The following OPCML variants were observed in gnomAD, a reference collection of about 807,000 sequenced individuals.
OPCML encodes the protein opioid-binding protein/cell adhesion molecule.
OPCML carries 13 observed loss-of-function variants against 37.8 expected under a neutral mutation model. The ratio of observed to expected loss-of-function variants is 0.34; its 90% CI spans 0.22 to 0.55. The LOEUF (loss-of-function observed/expected upper bound fraction) is 0.55. Ranked by LOEUF, OPCML falls within the 20% of genes least tolerant of loss-of-function variation. The pLI, the probability that OPCML is intolerant of heterozygous loss-of-function variation, is 0.91. For missense variants in OPCML, 341 were observed against 435.6 expected (o/e 0.78, Z 1.93); for synonymous variants, 176 against 168.8 (o/e 1.04, Z -0.33).
intron 1 of OPCML, among the ~76,000 whole-genome samples, chr11:133,347,001 G>A (rs973606324): frequency 1.3e-5 from 2 of 152,152 alleles, no homozygotes; most frequent in Admixed American, 1.3e-4. Context: ...ATCTTAAAAG[G>A]GTAATGAATG....
intron 2 of OPCML, among the ~76,000 whole-genome samples, chr11:132,842,265 C>T (rs140907401): frequency 2.6e-5 from 4 of 152,296 alleles, no homozygotes; most frequent in Non-Finnish European, 4.4e-5. Context: ...TCACGCCGCA[C>T]GTTCCACTCA....
chr11:133,532,398 G>T lies in OPCML; in HGVS notation c.-74C>A. 6.5e-7 allele frequency: 1 copy of T among 1,550,132 alleles called. No individual in the cohort carries two copies. Among genetic ancestry groups the T allele is most frequent in the East Asian group, 2.4e-5 (1 of 42,306 alleles). On this transcript the variant is annotated 5_prime_UTR_variant, in exon 1 of 8. Coordinates refer to ENST00000524381, the MANE Select transcript of OPCML (RefSeq NM_001012393.5). ...GCTGCTACCGCTGCTGCCTTCCTCTGTGCTGAATTCTGAGCAGGTTTAAAT... is the reference window on the plus strand; with the variant it reads ...GCTGCTACCGCTGCTGCCTTCCTCTTTGCTGAATTCTGAGCAGGTTTAAAT...
At chr11:132,836,731 G>A (rs548521541) in intron 2 of OPCML, among the ~76,000 whole-genome samples, 13 of 152,036 alleles carry the variant, frequency 8.6e-5, no homozygotes, top group East Asian at 1.9e-4. Context: ...GGATATGTAC[G>A]GCATGACTGA....
At chr11:133,521,219 G>C (rs1461904931) in intron 1 of OPCML, among the ~76,000 whole-genome samples, 2 of 152,098 alleles carry the variant, frequency 1.3e-5, no homozygotes, top group Non-Finnish European at 2.9e-5. Context: ...CAGTTCTTTT[G>C]GATTTTACAG....
In OPCML at chr11:133,373,065, G is replaced by C. The variant is rs571360937; in HGVS notation, c.61+159199C>G. Among the ~76,000 whole-genome samples, 8 of 151,996 alleles carry C rather than the reference G, an allele frequency of 5.3e-5. No homozygotes were observed. In the South Asian group the frequency reaches 1.2e-3, roughly 24 times the overall value. Reference sequence around the variant, plus strand: ...AAGTTTCAAAAAAAGAAAAGACAAAGAAAAAAATTAATACAGTGCAATATA... The same window carrying C: ...AAGTTTCAAAAAAAGAAAAGACAAACAAAAAAATTAATACAGTGCAATATA... On this transcript the variant is annotated intron_variant, in intron 1 of 7. Transcript: ENST00000524381.
intron 1 of OPCML, among the ~76,000 whole-genome samples, chr11:133,123,954 T>C (rs1949459288): frequency 6.6e-6 from 1 of 151,808 alleles, no homozygotes; most frequent in Non-Finnish European, 1.5e-5. Flanking sequence ...CCCCAAGAAG[T>C]TGGCAGCATG....
At chr11:132,964,074 C>T (rs139256989) in intron 1 of OPCML, among the ~76,000 whole-genome samples, 1 of 152,220 alleles carries the variant, frequency 6.6e-6, no homozygotes, top group African/African-American at 2.4e-5. Context: ...CTGTGCTGAA[C>T]CCAGAGGGCA....
At chr11:133,151,388 T>A (rs1418359739) in intron 1 of OPCML, among the ~76,000 whole-genome samples, 8 of 151,888 alleles carry the variant, frequency 5.3e-5, no homozygotes. Context: ...CAATGGCTGG[T>A]TTGCCCTTTG....
At chr11:132,628,390 G>A (rs1255080590) in intron 3 of OPCML, among the ~76,000 whole-genome samples, 12 of 152,210 alleles carry the variant, frequency 7.9e-5, no homozygotes, top group Non-Finnish European at 1.6e-4. Flanking sequence ...AATTGTTTCT[G>A]TTGACATGTG....
chr11:133,105,131 A>G (rs1245048256), intron 1 of OPCML, among the ~76,000 whole-genome samples: 2 of 152,358 alleles, frequency 1.3e-5, no homozygotes, highest in East Asian at 3.9e-4. Context: ...TGCGTGTTCA[A>G]TAAACTTTAC....
At chr11:132,644,389 C>T (rs1035868529) in intron 3 of OPCML, among the ~76,000 whole-genome samples, 5 of 151,924 alleles carry the variant, frequency 3.3e-5, no homozygotes, top group Admixed American at 6.6e-5. Context: ...TCCCAGGGGA[C>T]GCATGGCTCG....
At chr11:132,938,369 A>G (rs1328437347) in intron 2 of OPCML, among the ~76,000 whole-genome samples, 1 of 152,138 alleles carries the variant, frequency 6.6e-6, no homozygotes, top group African/African-American at 2.4e-5. Flanking sequence ...ATTCTTGACA[A>G]GCAGAAAGAA....
At chr11:133,004,035 G>A in intron 1 of OPCML, 4 of 985,418 alleles carry the variant, frequency 4.1e-6, no homozygotes, top group Non-Finnish European at 4.8e-6. Flanking sequence ...GAGTCAGGCG[G>A]AAATGCCAGC....
At chr11:132,465,821 CT>C (rs546575689) in intron 4 of OPCML, among the ~76,000 whole-genome samples, 2 of 152,052 alleles carry the variant, frequency 1.3e-5, no homozygotes, top group African/African-American at 4.8e-5. Flanking sequence ...ATGTTTAACT[CT>C]TTTTGGAATT....
intron 2 of OPCML, among the ~76,000 whole-genome samples, chr11:132,804,773 G>A (rs963645266): frequency 6.6e-6 from 1 of 152,166 alleles, no homozygotes; most frequent in Non-Finnish European, 1.5e-5. Flanking sequence ...CAGTAATTGA[G>A]CTGCTTGTTA....
chr11:133,385,466 C>T (rs1038095459), intron 1 of OPCML, among the ~76,000 whole-genome samples: 5 of 152,150 alleles, frequency 3.3e-5, no homozygotes, highest in African/African-American at 1.2e-4. Flanking sequence ...GGTCGTCCGG[C>T]AGACAAGAGC....
intron 1 of OPCML, chr11:133,007,228 C>A: frequency 1.0e-6 from 1 of 985,396 alleles, no homozygotes; most frequent in Non-Finnish European, 1.2e-6. Context: ...TGTTGCCCCA[C>A]CCTCCGTTTA....
intron 3 of OPCML, among the ~76,000 whole-genome samples, chr11:132,556,320 AG>A (rs1255786179): frequency 6.6e-6 from 1 of 152,200 alleles, no homozygotes; most frequent in Non-Finnish European, 1.5e-5. Flanking sequence ...TATAAGAAAT[AG>A]GGGTCTATCT....
At chr11:132,426,502 C>T (rs547707613) in intron 7 of OPCML, among the ~76,000 whole-genome samples, 10 of 152,214 alleles carry the variant, frequency 6.6e-5, no homozygotes, top group South Asian at 4.1e-4. Flanking sequence ...CGCAGTGGCA[C>T]GATCTCGGCT....
Sources: gnomAD v4.1 joint callset for allele counts (sites outside exome capture counted in the v4.1 genomes callset) on GRCh38, gnomAD v4.1.1 for gene constraint, MANE v1.5 for transcripts, NCBI Gene and HGNC (gene_info 2026-07-23, HGNC 2026-07-21) for gene names.